The following POU6F2 variants were observed in gnomAD, a reference collection of about 807,000 sequenced individuals.
The protein encoded by POU6F2 is POU class 6 homeobox 2, also known as POU domain, class 6, transcription factor 2.
In POU6F2, 31 loss-of-function variants were observed where a neutral mutation model predicts 71.3. The ratio of observed to expected loss-of-function variants is 0.43; its 90% confidence interval spans 0.33 to 0.59. The LOEUF (loss-of-function observed/expected upper bound fraction) is 0.59. Among genes scored for constraint, POU6F2 ranks in the 20% least tolerant of loss-of-function variants. POU6F2 has a pLI of 0.04. For synonymous variants in POU6F2, 347 were observed against 355.7 expected, an observed-to-expected ratio of 0.98 and a Z score of 0.27; for missense variants, 783 against 856.8, an observed-to-expected ratio of 0.91 and a Z score of 1.07.
intron 4 of POU6F2, among the ~76,000 whole-genome samples, chr7:39,313,014 T>C (rs1251794765): frequency 6.6e-6 from 1 of 152,184 alleles, no homozygotes; most frequent in African/African-American, 2.4e-5. Flanking sequence ...TGCTGTACTA[T>C]GTGAGAGCCC....
intron 7 of POU6F2, among the ~76,000 whole-genome samples, chr7:39,445,797 T>TAC (rs1421009397): frequency 1.3e-5 from 2 of 152,206 alleles, no homozygotes; most frequent in Non-Finnish European, 2.9e-5. Flanking sequence ...CATTATACCC[T>TAC]CCTAGTTAAT....
chr7:39,162,241 G>T (rs1416171554), intron 2 of POU6F2, among the ~76,000 whole-genome samples: 1 of 152,166 alleles, frequency 6.6e-6, no homozygotes. Flanking sequence ...GATAAGAAGT[G>T]TGCAGATAAG....
intron 4 of POU6F2, among the ~76,000 whole-genome samples, chr7:39,338,855 A>G (rs1237508727): frequency 6.6e-6 from 1 of 151,904 alleles, no homozygotes; most frequent in Non-Finnish European, 1.5e-5. Flanking sequence ...TCTCCCACCA[A>G]CTCTACCTTT....
chr7:39,362,486 C>A (rs184107929), intron 5 of POU6F2, among the ~76,000 whole-genome samples: 69 of 152,222 alleles, frequency 4.5e-4, no homozygotes, highest in Middle Eastern at 3.4e-3. Context: ...ATGACCCAGA[C>A]CTCATCCTCT....
chr7:39,290,176 G>A (rs1784724901), intron 4 of POU6F2, among the ~76,000 whole-genome samples: 1 of 152,098 alleles, frequency 6.6e-6, no homozygotes, highest in Non-Finnish European at 1.5e-5. Context: ...TTTTGGGTTG[G>A]ACAACATCCT....
At chr7:39,270,444 A>G (rs1784321028) in intron 4 of POU6F2, among the ~76,000 whole-genome samples, 1 of 152,220 alleles carries the variant, frequency 6.6e-6, no homozygotes, top group African/African-American at 2.4e-5. Context: ...GATGTCAGAG[A>G]TCATGCTTTT....
At chr7:39,312,610 T>A (rs1280608646) in intron 4 of POU6F2, among the ~76,000 whole-genome samples, 1 of 152,212 alleles carries the variant, frequency 6.6e-6, no homozygotes, top group Non-Finnish European at 1.5e-5. Context: ...CCTTATTAAG[T>A]TGAGAACTTT....
At chr7:39,070,442 C>T (rs953188513) in intron 1 of POU6F2, among the ~76,000 whole-genome samples, 2 of 152,110 alleles carry the variant, frequency 1.3e-5, no homozygotes, top group African/African-American at 4.8e-5. Flanking sequence ...TTTTGGAAGG[C>T]ACATCAGACC....
intron 1 of POU6F2, among the ~76,000 whole-genome samples, chr7:39,029,278 G>GT (rs1200178938): frequency 5.3e-5 from 8 of 151,698 alleles, no homozygotes; most frequent in Non-Finnish European, 8.8e-5. Flanking sequence ...TATTCTTTTG[G>GT]TTTTTCTATG....
intron 4 of POU6F2, among the ~76,000 whole-genome samples, chr7:39,322,186 G>A (rs1289568215): frequency 6.6e-6 from 1 of 152,168 alleles, no homozygotes; most frequent in Non-Finnish European, 1.5e-5. Flanking sequence ...GTTCCCCTTA[G>A]GGACAGAGCA....
chr7:39,332,619 C>T (rs1785678536), intron 4 of POU6F2, among the ~76,000 whole-genome samples: 1 of 151,852 alleles, frequency 6.6e-6, no homozygotes, highest in African/African-American at 2.4e-5. Flanking sequence ...AGGCATTGGT[C>T]CTCTGATTTT....
chr7:39,262,782 G>A (rs752194962), intron 4 of POU6F2, among the ~76,000 whole-genome samples: 5 of 152,032 alleles, frequency 3.3e-5, no homozygotes, highest in Admixed American at 6.5e-5. Flanking sequence ...TCACGGAGTC[G>A]GACTTTTTTT....
chr7:39,131,767 A>C (rs1219942453), intron 2 of POU6F2, among the ~76,000 whole-genome samples: 1 of 152,190 alleles, frequency 6.6e-6, no homozygotes, highest in Non-Finnish European at 1.5e-5. Context: ...TCTCCTGCAC[A>C]GTGGAGAGGC....
chr7:39,048,913 A>G (rs938546705), intron 1 of POU6F2, among the ~76,000 whole-genome samples: 5 of 151,804 alleles, frequency 3.3e-5, no homozygotes, highest in Non-Finnish European at 2.9e-5. Context: ...CAGATTTCCT[A>G]TGTCTTCTTG....
At chr7:39,450,469 G>GA (rs537964182) in intron 7 of POU6F2, among the ~76,000 whole-genome samples, 3 of 150,560 alleles carry the variant, frequency 2.0e-5, no homozygotes, top group African/African-American at 4.9e-5. Flanking sequence ...TCCCGGAGAA[G>GA]AAAAAAAAAT....
At chr7:39,398,699 A>G (rs965064719) in intron 5 of POU6F2, among the ~76,000 whole-genome samples, 8 of 152,346 alleles carry the variant, frequency 5.3e-5, no homozygotes, top group Admixed American at 5.2e-4. Flanking sequence ...ATCTGCAAAA[A>G]GGCCAGTCGG....
chr7:39,389,009 A>G (rs751207254), intron 5 of POU6F2, among the ~76,000 whole-genome samples: 24 of 152,136 alleles, frequency 1.6e-4, no homozygotes, highest in Admixed American at 5.9e-4. Context: ...TTTTATTTTG[A>G]TATCTGTACA....
chr7:39,312,746 C>T (rs1289082437), intron 4 of POU6F2, among the ~76,000 whole-genome samples: 1 of 152,120 alleles, frequency 6.6e-6, no homozygotes, highest in Non-Finnish European at 1.5e-5. Flanking sequence ...ACAAGCACTG[C>T]GATACTGCAA....
intron 2 of POU6F2, among the ~76,000 whole-genome samples, chr7:39,101,683 T>A (rs1395306826): frequency 6.6e-6 from 1 of 152,172 alleles, no homozygotes; most frequent in Non-Finnish European, 1.5e-5. Flanking sequence ...TTAATAATCA[T>A]GTGTTGTATA....
Sources: gnomAD v4.1 joint callset for allele counts (sites outside exome capture counted in the v4.1 genomes callset) on GRCh38, gnomAD v4.1.1 for gene constraint, MANE v1.5 for transcripts, NCBI Gene and HGNC (gene_info 2026-07-23, HGNC 2026-07-21) for gene names.